MCCC2: variants seen among roughly 807,000 people sequenced by gnomAD.
MCCC2 encodes methylcrotonyl-CoA carboxylase subunit 2.
Under a neutral mutation model 77.2 loss-of-function variants are expected in MCCC2, and 52 were observed. The ratio of observed to expected loss-of-function variants is 0.67; its 90% CI spans 0.54 to 0.85. The LOEUF is 0.85. Among genes scored for constraint, MCCC2 ranks in the 40% least tolerant of loss-of-function variants. The pLI, the probability that MCCC2 is intolerant of heterozygous loss-of-function variation, is 0.00. For synonymous variants in MCCC2, 253 were observed against 248.4 expected, an observed-to-expected ratio of 1.02 and a Z score of -0.18; for missense variants, 682 against 703.2, an observed-to-expected ratio of 0.97 and a Z score of 0.34.
At chr5:71,645,149 CTTTA>C (rs1306279414) in intron 12 of MCCC2, among the ~76,000 whole-genome samples, 1 of 152,054 alleles carries the variant, frequency 6.6e-6, no homozygotes, top group Non-Finnish European at 1.5e-5. Flanking sequence ...CTCTGCCTGG[CTTTA>C]TTTGTCAGCT....
At chr5:71,656,479 G>T (rs931120617) in intron 16 of MCCC2, among the ~76,000 whole-genome samples, 1 of 152,164 alleles carries the variant, frequency 6.6e-6, no homozygotes, top group African/African-American at 2.4e-5. Context: ...GTTACTTTGA[G>T]ATCTCTTATA....
intron 6 of MCCC2, among the ~76,000 whole-genome samples, chr5:71,610,759 G>T (rs1273108505): frequency 1.3e-5 from 2 of 149,710 alleles, no homozygotes; most frequent in Non-Finnish European, 3.0e-5. Flanking sequence ...GGCCGAGGTG[G>T]GGGGATCACG....
intron 6 of MCCC2, among the ~76,000 whole-genome samples, chr5:71,622,690 G>A (rs1246989875): frequency 6.6e-6 from 1 of 152,168 alleles, no homozygotes; most frequent in Non-Finnish European, 1.5e-5. Context: ...TTTGTGACTG[G>A]CTTCTTTCAC....
At chr5:71,607,832 T>G (rs1475044259) in intron 6 of MCCC2, among the ~76,000 whole-genome samples, 2 of 147,666 alleles carry the variant, frequency 1.4e-5, no homozygotes, top group Non-Finnish European at 3.0e-5. Flanking sequence ...TTTCGTTATG[T>G]ACCCAGTGGT....
intron 5 of MCCC2, 91 bp from the exon 6 acceptor site, chr5:71,604,265 T>A: frequency 1.8e-6 from 2 of 1,124,658 alleles, no homozygotes; most frequent in Non-Finnish European, 2.7e-6. Flanking sequence ...TGAATGTGAT[T>A]AAGAACTGAT....
intron 14 of MCCC2, 79 bp downstream of exon 14, chr5:71,649,332 T>TACACC: frequency 3.0e-6 from 4 of 1,344,462 alleles, no homozygotes; most frequent in African/African-American, 1.4e-5. Context: ...TCAGGTGTAT[T>TACACC]TGAAATATAG....
At chr5:71,626,120 C>G (rs1029866920) in intron 6 of MCCC2, among the ~76,000 whole-genome samples, 2 of 152,046 alleles carry the variant, frequency 1.3e-5, no homozygotes, top group African/African-American at 4.8e-5. Context: ...TCAATACAAT[C>G]GACTTTTCTT....
intron 10 of MCCC2, among the ~76,000 whole-genome samples, chr5:71,639,538 AT>A (rs1481717926): frequency 6.6e-6 from 1 of 152,116 alleles, no homozygotes; most frequent in Non-Finnish European, 1.5e-5. Context: ...GCCTGGCTTG[AT>A]TTTCTATCCA....
chr5:71,613,678 G>T (rs1243009100), intron 6 of MCCC2, among the ~76,000 whole-genome samples: 1 of 152,060 alleles, frequency 6.6e-6, no homozygotes, highest in Non-Finnish European at 1.5e-5. Flanking sequence ...TGAAGCTTCA[G>T]TGAGCCATGA....
At chr5:71,593,723 T>A (rs949324133) in intron 2 of MCCC2, among the ~76,000 whole-genome samples, 2 of 152,128 alleles carry the variant, frequency 1.3e-5, no homozygotes, top group Non-Finnish European at 2.9e-5. Flanking sequence ...ATTTCCTCCC[T>A]AAGTGCTGAA....
At chr5:71,629,767 T>G (rs1334998958) in intron 7 of MCCC2, among the ~76,000 whole-genome samples, 1 of 150,706 alleles carries the variant, frequency 6.6e-6, no homozygotes, top group Non-Finnish European at 1.5e-5. Flanking sequence ...ATTATTACTA[T>G]TATTATTTTA....
At chr5:71,608,559 G>A (rs1745786332) in intron 6 of MCCC2, among the ~76,000 whole-genome samples, 1 of 151,106 alleles carries the variant, frequency 6.6e-6, no homozygotes, top group Non-Finnish European at 1.5e-5. Context: ...TTTAATTGGA[G>A]CATTTAGTCC....
chr5:71,620,986 G>A (rs1746331178), intron 6 of MCCC2, among the ~76,000 whole-genome samples: 1 of 152,174 alleles, frequency 6.6e-6, no homozygotes, highest in African/African-American at 2.4e-5. Flanking sequence ...GCAGGTCCCT[G>A]TGATGTCTGT....
chr5:71,639,442 A>G (rs905296966), intron 10 of MCCC2, among the ~76,000 whole-genome samples: 2 of 152,084 alleles, frequency 1.3e-5, no homozygotes, highest in Admixed American at 6.5e-5. Flanking sequence ...GCTAGCTTCA[A>G]ATTTTTCTTC....
At chr5:71,590,280 A>C (rs1015062798) in intron 1 of MCCC2, among the ~76,000 whole-genome samples, 9 of 152,146 alleles carry the variant, frequency 5.9e-5, no homozygotes, top group African/African-American at 2.2e-4. Flanking sequence ...GTTGGTTGAT[A>C]AAGGATTGCC....
intron 1 of MCCC2, among the ~76,000 whole-genome samples, chr5:71,588,990 T>C (rs1470213246): frequency 1.3e-5 from 2 of 152,142 alleles, no homozygotes; most frequent in Admixed American, 6.5e-5. Flanking sequence ...TATGGTAGAA[T>C]CATCAGTGTG....
chr5:71,603,501 A>C (rs1331868184), intron 5 of MCCC2, among the ~76,000 whole-genome samples: 1 of 151,234 alleles, frequency 6.6e-6, no homozygotes, highest in Non-Finnish European at 1.5e-5. Context: ...TCATGTATGC[A>C]GGTATTTGAA....
intron 4 of MCCC2, among the ~76,000 whole-genome samples, chr5:71,600,722 C>T (rs1345208064): frequency 2.0e-5 from 3 of 152,176 alleles, no homozygotes; most frequent in Non-Finnish European, 4.4e-5. Flanking sequence ...TATATTGATT[C>T]TCTTATCTGG....
intron 6 of MCCC2, among the ~76,000 whole-genome samples, chr5:71,614,672 C>A (rs563095502): frequency 1.8e-4 from 27 of 151,844 alleles, no homozygotes; most frequent in African/African-American, 6.5e-4. Flanking sequence ...TTAGTAGAGA[C>A]GGGGTTTTAC....
Sources: gnomAD v4.1 joint callset for allele counts (sites outside exome capture counted in the v4.1 genomes callset) on GRCh38, gnomAD v4.1.1 for gene constraint, MANE v1.5 for transcripts, NCBI Gene and HGNC (gene_info 2026-07-23, HGNC 2026-07-21) for gene names.